KBTBD2: variants seen among roughly 807,000 people sequenced by gnomAD.
KBTBD2 encodes kelch repeat and BTB domain containing 2.
KBTBD2 carries 17 observed loss-of-function variants against 57.1 expected under a neutral mutation model. The observed-to-expected ratio is 0.30, with a 90% CI of 0.20 to 0.45. The LOEUF (loss-of-function observed/expected upper bound fraction) is 0.45, where lower values mean the gene tolerates loss of function less well. Among genes scored for constraint, KBTBD2 ranks in the 20% least tolerant of loss-of-function variants. KBTBD2 has a pLI of 1.00. For synonymous variants in KBTBD2, 267 were observed against 262.7 expected (o/e 1.02, Z -0.16); for missense variants, 515 against 750.6 (o/e 0.69, Z 3.67).
chr7:32,880,181 C>A lies in KBTBD2; in HGVS notation c.-338-239G>T, dbSNP rs569977485. 3.3e-5 allele frequency among the ~76,000 whole-genome samples: 5 copies of A among 152,202 alleles called. No individual in the cohort carries two copies. The South Asian group carries it at 1.0e-3, about 32-fold the overall frequency. ...TGCCTTCTATACAAAATATAACTGT[C>A]ACAGAAAATAACGAACACATGAATA... On this transcript the variant is annotated intron_variant, in intron 1 of 3. Coordinates refer to ENST00000304056, the MANE Select transcript of KBTBD2 (RefSeq NM_015483.3).
chr7:32,887,394 C>T (rs952683089), intron 1 of KBTBD2, among the ~76,000 whole-genome samples: 5 of 152,124 alleles, frequency 3.3e-5, no homozygotes, highest in Non-Finnish European at 5.9e-5. Flanking sequence ...TAAATGTTCT[C>T]ACCACAAAAA....
chr7:32,870,990 T>C lies in KBTBD2; in HGVS notation c.337-110A>G, dbSNP rs1011354232. On this transcript the variant is annotated intron_variant, in intron 3 of 3. Transcript: ENST00000304056. ...CAGATGCCCATAGTGTAATTTTTAT[T>C]TTCAGATACACACATCTGGGCTGAG... 5 of 641,236 alleles carry C rather than the reference T, an allele frequency of 7.8e-6. No individual in the cohort carries two copies. In the African/African-American group the frequency reaches 9.2e-5, roughly 12 times the overall value. 39.7% of individuals were successfully genotyped at this position (641,236 alleles called of 1,614,324 possible).
chr7:32,880,561 A>C (rs1049457607), intron 1 of KBTBD2, among the ~76,000 whole-genome samples: 1 of 151,758 alleles, frequency 6.6e-6, no homozygotes, highest in African/African-American at 2.4e-5. Context: ...AAAAAAAAAA[A>C]ACATAAAATG....
chr7:32,875,364 T>C (rs1272492180), intron 2 of KBTBD2, among the ~76,000 whole-genome samples: 1 of 152,162 alleles, frequency 6.6e-6, no homozygotes, highest in Non-Finnish European at 1.5e-5. Flanking sequence ...CTTGACCTTC[T>C]GTGCTCAAAC....
At chr7:32,890,995 G>T (rs565151308) in intron 1 of KBTBD2, 6 of 152,284 alleles carry the variant, frequency 3.9e-5, no homozygotes, top group African/African-American at 1.4e-4. Flanking sequence ...CCGTTTCAAA[G>T]GGCAGTTTCT....
chr7:32,870,938 T>C (rs1337754159), intron 3 of KBTBD2, 58 bp from the exon 4 acceptor site: 2 of 1,046,406 alleles, frequency 1.9e-6, no homozygotes, highest in East Asian at 5.2e-5. Flanking sequence ...CACATTTTAC[T>C]TTTATGTAAG....
At chr7:32,885,824 C>T (rs1784565973) in intron 1 of KBTBD2, among the ~76,000 whole-genome samples, 1 of 151,950 alleles carries the variant, frequency 6.6e-6, no homozygotes, top group Admixed American at 6.6e-5. Context: ...GTGTTTTTGA[C>T]TGATTTGCTT....
At chr7:32,878,903 A>C (rs1784381769) in intron 2 of KBTBD2, among the ~76,000 whole-genome samples, 1 of 152,246 alleles carries the variant, frequency 6.6e-6, no homozygotes, top group Non-Finnish European at 1.5e-5. Flanking sequence ...AGGCATAGAG[A>C]ACACCAACGT....
At chr7:32,892,006 TC>T (rs1784771709), upstream of KBTBD2, 1 of 146,798 alleles carries the variant, frequency 6.8e-6, no homozygotes, top group Non-Finnish European at 1.5e-5. Flanking sequence ...CCCTCCCGCC[TC>T]GCGCGCGCGC....
At chr7:32,880,441 G>A (rs1562535446) in intron 1 of KBTBD2, among the ~76,000 whole-genome samples, 3 of 151,738 alleles carry the variant, frequency 2.0e-5, no homozygotes, top group Non-Finnish European at 2.9e-5. Context: ...GATTCAAACT[G>A]TTAATTTTCA....
At chr7:32,874,821 G>T (rs548326850) in intron 3 of KBTBD2, 171 bp downstream of exon 3, 1 of 494,710 alleles carries the variant, frequency 2.0e-6, no homozygotes, top group Non-Finnish European at 3.6e-6. Flanking sequence ...GTGAAACCCC[G>T]TACTAAAAAT....
chr7:32,878,858 T>C (rs1209572627), intron 2 of KBTBD2, among the ~76,000 whole-genome samples: 3 of 152,196 alleles, frequency 2.0e-5, no homozygotes, highest in Non-Finnish European at 2.9e-5. Flanking sequence ...TATTTGTTAT[T>C]AGCAAAGAGT....
intron 1 of KBTBD2, among the ~76,000 whole-genome samples, chr7:32,889,607 T>C (rs1396577488): frequency 6.9e-6 from 1 of 145,740 alleles, no homozygotes; most frequent in Admixed American, 6.8e-5. Context: ...CAAAAAAAAA[T>C]TACTTGAGAT....
At chr7:32,884,950 T>TTA (rs138179213) in intron 1 of KBTBD2, among the ~76,000 whole-genome samples, 39 of 144,814 alleles carry the variant, frequency 2.7e-4, no homozygotes, top group African/African-American at 4.8e-4. Context: ...TATATTTCTT[T>TTA]TATATATATA....
intron 1 of KBTBD2, among the ~76,000 whole-genome samples, chr7:32,880,604 A>G (rs573718313): frequency 5.3e-5 from 8 of 152,136 alleles, no homozygotes; most frequent in South Asian, 2.1e-4. Flanking sequence ...AGAAAACTCC[A>G]TATTACACAA....
intron 1 of KBTBD2, among the ~76,000 whole-genome samples, chr7:32,888,646 G>C (rs1289338484): frequency 6.8e-6 from 1 of 147,996 alleles, no homozygotes; most frequent in Non-Finnish European, 1.5e-5. Flanking sequence ...AGTGAGCCGA[G>C]ATCGCATCAC....
chr7:32,875,192 G>C (rs1216420517), intron 2 of KBTBD2, 35 bp from the exon 3 acceptor site: 1 of 1,588,374 alleles, frequency 6.3e-7, no homozygotes, highest in Non-Finnish European at 8.6e-7. Context: ...AGTTGTAAGG[G>C]TTTTGTGTAA....
intron 1 of KBTBD2, among the ~76,000 whole-genome samples, chr7:32,890,076 A>T (rs1458832632): frequency 8.2e-6 from 1 of 122,022 alleles, no homozygotes; most frequent in Non-Finnish European, 1.6e-5. Context: ...AAAGGGGAGT[A>T]GAGTTACAGC....
At chr7:32,872,623 T>A in intron 3 of KBTBD2, among the ~76,000 whole-genome samples, 1 of 152,148 alleles carries the variant, frequency 6.6e-6, no homozygotes, top group Non-Finnish European at 1.5e-5. Context: ...TGCAGTGAGC[T>A]GTGATCTCAC....
Sources: allele counts gnomAD v4.1 joint callset (sites outside exome capture counted in the v4.1 genomes callset), GRCh38; gene constraint gnomAD v4.1.1; transcripts MANE v1.5; gene names NCBI Gene and HGNC (gene_info 2026-07-23, HGNC 2026-07-21).